SORCS2: variants seen among roughly 807,000 people sequenced by gnomAD.
The protein encoded by SORCS2 is VPS10 domain-containing receptor SorCS2.
Under a neutral mutation model 141.6 loss-of-function variants are expected in SORCS2, and 100 were observed. The observed-to-expected ratio is 0.71, with a 90% CI of 0.60 to 0.83. The LOEUF (loss-of-function observed/expected upper bound fraction) is 0.83. SORCS2 is among the 40% of genes least tolerant of loss of function. SORCS2 has a pLI of 0.00. For missense variants in SORCS2, 1,646 were observed against 1,560.2 expected (o/e 1.05, Z -0.93); for synonymous variants, 789 against 676.9 (o/e 1.17, Z -2.57).
chr4:7,700,674 T>G (rs2109010201), intron 12 of SORCS2, among the ~76,000 whole-genome samples: 1 of 152,236 alleles, frequency 6.6e-6, no homozygotes, highest in East Asian at 1.9e-4. Context: ...GGACAGAGGA[T>G]CCCGGCATGA....
chr4:7,617,713 C>A (rs887331406), intron 3 of SORCS2, among the ~76,000 whole-genome samples: 3 of 152,178 alleles, frequency 2.0e-5, no homozygotes, highest in Non-Finnish European at 2.9e-5. Context: ...TTCCGAGCAA[C>A]TTTTAGTTCA....
intron 9 of SORCS2, among the ~76,000 whole-genome samples, chr4:7,677,049 C>T (rs977832197): frequency 1.3e-5 from 2 of 151,922 alleles, no homozygotes; most frequent in African/African-American, 2.4e-5. Flanking sequence ...CTCTCACACT[C>T]GCTTGCTTTC....
intron 1 of SORCS2, among the ~76,000 whole-genome samples, chr4:7,324,472 C>T (rs4689707): frequency 0.13 from 19,169 of 152,248 alleles, 1,542 homozygotes; most frequent in East Asian, 0.23. Flanking sequence ...CCGCCCAGCC[C>T]AGCTGTCATG....
At chr4:7,539,536 A>G (rs974546315) in intron 3 of SORCS2, among the ~76,000 whole-genome samples, 2 of 152,090 alleles carry the variant, frequency 1.3e-5, no homozygotes, top group Non-Finnish European at 2.9e-5. Context: ...CTTCCCCACC[A>G]CACTGGGCTC....
At chr4:7,463,504 G>A (rs1461585994) in intron 2 of SORCS2, among the ~76,000 whole-genome samples, 1 of 152,138 alleles carries the variant, frequency 6.6e-6, no homozygotes, top group Non-Finnish European at 1.5e-5. Context: ...CCCTGGGGGT[G>A]GGGGCGCAGA....
chr4:7,385,223 A>T (rs1276837005), intron 1 of SORCS2, among the ~76,000 whole-genome samples: 1 of 152,212 alleles, frequency 6.6e-6, no homozygotes, highest in Non-Finnish European at 1.5e-5. Context: ...TTTGAGCCTA[A>T]TGTGATACCC....
chr4:7,470,013 G>A (rs539491284), intron 2 of SORCS2, among the ~76,000 whole-genome samples: 17 of 152,326 alleles, frequency 1.1e-4, no homozygotes, highest in African/African-American at 3.6e-4. Context: ...AAGTCACAGG[G>A]CCAGCAGGTC....
At chr4:7,404,217 C>T (rs1026077603) in intron 2 of SORCS2, among the ~76,000 whole-genome samples, 7 of 151,784 alleles carry the variant, frequency 4.6e-5, no homozygotes, top group Admixed American at 1.3e-4. Flanking sequence ...TGTGTATATA[C>T]GCCACATTTT....
At chr4:7,298,909 T>C (rs1418985402) in intron 1 of SORCS2, among the ~76,000 whole-genome samples, 1 of 152,186 alleles carries the variant, frequency 6.6e-6, no homozygotes, top group Non-Finnish European at 1.5e-5. Flanking sequence ...TTCAAACAAG[T>C]GTTTGTCCTC....
chr4:7,618,495 C>T (rs1718911543), intron 3 of SORCS2, among the ~76,000 whole-genome samples: 2 of 152,186 alleles, frequency 1.3e-5, no homozygotes, highest in African/African-American at 4.8e-5. Flanking sequence ...AGACTCCTCA[C>T]GAGGCTCCCG....
Position 7,741,188 on chromosome 4 carries a change from G to T in SORCS2, c.*924G>T. 2.5e-6 allele frequency: 1 copy of T among 398,818 alleles called. No individual in the cohort carries two copies. Among genetic ancestry groups the T allele is most frequent in the Non-Finnish European group, 4.4e-6 (1 of 226,160 alleles). The allele number at this position is 398,818 out of a possible 1,614,324, so 24.7% of individuals were successfully genotyped here. On this transcript the variant is annotated 3_prime_UTR_variant, in exon 27 of 27. Transcript: ENST00000507866. ...GCACCAGATGTACCAGTTTTCTGCA[G>T]TTCCTTATAGGCGAAGGGAACCGGG...
chr4:7,542,687 T>C (rs1470961927), intron 3 of SORCS2, among the ~76,000 whole-genome samples: 1 of 152,218 alleles, frequency 6.6e-6, no homozygotes, highest in East Asian at 1.9e-4. Flanking sequence ...TGTGACACTT[T>C]GTCTCGGAAG....
At chr4:7,473,903 G>T (rs1479844312) in intron 2 of SORCS2, among the ~76,000 whole-genome samples, 1 of 152,212 alleles carries the variant, frequency 6.6e-6, no homozygotes, top group South Asian at 2.1e-4. Flanking sequence ...AGTGCATTCT[G>T]CACACAGCAG....
At chr4:7,704,403 G>GC in intron 14 of SORCS2, 119 bp downstream of exon 14, 1 of 883,146 alleles carries the variant, frequency 1.1e-6, no homozygotes. Flanking sequence ...TCTGCCACCT[G>GC]CCCCAGGTCC....
intron 1 of SORCS2, among the ~76,000 whole-genome samples, chr4:7,333,078 G>A (rs751752701): frequency 2.6e-5 from 4 of 152,342 alleles, no homozygotes; most frequent in Admixed American, 6.5e-5. Context: ...GGCTGTGGTC[G>A]TCACAGCAGG....
chr4:7,593,213 C>T (rs1399466096), intron 3 of SORCS2, among the ~76,000 whole-genome samples: 1 of 152,144 alleles, frequency 6.6e-6, no homozygotes, highest in African/African-American at 2.4e-5. Context: ...AAGTGCAAGG[C>T]TTCTTATGGC....
intron 1 of SORCS2, among the ~76,000 whole-genome samples, chr4:7,329,441 G>A (rs1461742267): frequency 1.3e-5 from 2 of 152,148 alleles, no homozygotes; most frequent in South Asian, 2.1e-4. Context: ...TAGTGTCTGC[G>A]CTGATAGTCA....
intron 14 of SORCS2, among the ~76,000 whole-genome samples, chr4:7,704,858 G>T (rs569004849): frequency 1.1e-3 from 164 of 152,296 alleles, no homozygotes; most frequent in Non-Finnish European, 2.2e-4. Flanking sequence ...TCCTCTGGGT[G>T]CCCTCGAACA....
intron 2 of SORCS2, among the ~76,000 whole-genome samples, chr4:7,413,146 A>G (rs1467572746): frequency 6.6e-6 from 1 of 152,144 alleles, no homozygotes; most frequent in East Asian, 1.9e-4. Flanking sequence ...CCCTCTCCAG[A>G]AAAATTCTCC....
Sources: allele counts gnomAD v4.1 joint callset (sites outside exome capture counted in the v4.1 genomes callset), GRCh38; gene constraint gnomAD v4.1.1; transcripts MANE v1.5; gene names NCBI Gene and HGNC (gene_info 2026-07-23, HGNC 2026-07-21).